The following LPAR1 variants were observed in gnomAD, a reference collection of about 807,000 sequenced individuals.
LPAR1 encodes LPA receptor 1.
LPAR1 carries 5 observed loss-of-function variants against 23.8 expected under a neutral mutation model. The ratio of observed to expected loss-of-function variants is 0.21; its 90% CI spans 0.11 to 0.44. LPAR1 has a LOEUF of 0.44. Among genes scored for constraint, LPAR1 ranks in the 20% least tolerant of loss-of-function variants. The pLI is 0.99. For synonymous variants in LPAR1, 160 were observed against 164.7 expected (o/e 0.97, Z 0.22); for missense variants, 311 against 482.8 (o/e 0.64, Z 3.33).
chr9:110,935,961 C>T (rs1038847144), intron 5 of LPAR1, among the ~76,000 whole-genome samples: 1 of 152,216 alleles, frequency 6.6e-6, no homozygotes, highest in African/African-American at 2.4e-5. Context: ...TGACTACTTT[C>T]AGTTCCTCAA....
At chr9:110,961,493 A>G (rs1004317760) in intron 4 of LPAR1, among the ~76,000 whole-genome samples, 3 of 151,674 alleles carry the variant, frequency 2.0e-5, no homozygotes, top group Admixed American at 2.0e-4. Context: ...AGTGGCACAC[A>G]CTTGTAGTCC....
chr9:110,941,938 A>G lies in LPAR1; in HGVS notation c.276T>C (p.Ala92=), dbSNP rs1475359772. The stretch of plus-strand genomic sequence containing the variant: ...CCAACCCAGCAAAGAAGTCTGCAGC[A>G]GCCAGATTAGCCATTAGGTAATAAA... The part of the protein sequence containing the change: ...FPIYYLMANL[A]AADFFAGLAY... Residue 92 remains alanine, a synonymous_variant, in exon 5 of 6, where the codon GCT becomes GCC. Transcript: ENST00000683809. The surrounding 1 kb of genome is among the most constrained non-coding windows in gnomAD (Gnocchi z 6.1). The G allele has an allele frequency of 5.6e-6, 9 of 1,614,232 alleles. No homozygotes were observed. In the East Asian group the frequency reaches 8.9e-5, roughly 16 times the overall value.
chr9:110,960,407 C>T (rs925398166), intron 4 of LPAR1, among the ~76,000 whole-genome samples: 3 of 152,136 alleles, frequency 2.0e-5, no homozygotes, highest in African/African-American at 7.2e-5. Context: ...CATTCACAAG[C>T]ACATGCAGAG....
At chr9:110,990,699 G>A (rs1197499359) in intron 2 of LPAR1, among the ~76,000 whole-genome samples, 1 of 151,326 alleles carries the variant, frequency 6.6e-6, no homozygotes, top group East Asian at 1.9e-4. Context: ...AACTAGAAAA[G>A]GATAATTTAA....
chr9:111,006,429 C>T (rs2140363729), intron 2 of LPAR1, among the ~76,000 whole-genome samples: 1 of 152,300 alleles, frequency 6.6e-6, no homozygotes, highest in South Asian at 2.1e-4. Flanking sequence ...TTGGCACATC[C>T]TTTAACTTAT....
rs148349786 is a variant in LPAR1, at chr9:110,931,245, G to A, written c.793+10176C>T. Among the ~76,000 whole-genome samples the A allele has an allele frequency of 2.7e-3, 404 of 152,190 alleles. 1 individual carries two copies. Among genetic ancestry groups the A allele is most frequent in the African/African-American group, 8.0e-3 (330 of 41,502 alleles). On this transcript the variant is annotated intron_variant, in intron 5 of 5. Transcript: ENST00000683809. ...TTGAAGTCTTTTCCAGACATTGCCC[G>A]GTGAAATACAGCATTCACATAGCAC... is the stretch of plus-strand genomic sequence containing the variant.
chr9:111,009,759 T>C (rs2097291788), intron 2 of LPAR1, among the ~76,000 whole-genome samples: 1 of 151,816 alleles, frequency 6.6e-6, no homozygotes, highest in South Asian at 2.1e-4. Context: ...CTGCTATTTC[T>C]AGTTTTTCAG....
Position 110,913,093 on chromosome 9 carries a change from A to G in LPAR1, c.793+28328T>C, listed in dbSNP as rs566016111. Among the ~76,000 whole-genome samples, 8 of 152,340 alleles carry G rather than the reference A, an allele frequency of 5.3e-5. No individual in the cohort carries two copies. In the East Asian group the frequency reaches 1.5e-3, roughly 29 times the overall value. Reference sequence around the variant, plus strand: ...TAAACTTGAAAGTAATTGACTTGTCAAGCTCCATTCAAACTGAAGTCTGTA... The same window carrying G: ...TAAACTTGAAAGTAATTGACTTGTCGAGCTCCATTCAAACTGAAGTCTGTA... On this transcript the variant is annotated intron_variant, in intron 5 of 5. Coordinates refer to ENST00000683809, the MANE Select transcript of LPAR1 (RefSeq NM_001351411.2).
intron 2 of LPAR1, among the ~76,000 whole-genome samples, chr9:110,981,007 T>C (rs893961726): frequency 2.0e-5 from 3 of 152,072 alleles, no homozygotes; most frequent in Non-Finnish European, 4.4e-5. Context: ...GCATAATACA[T>C]ATGCTGTAAG....
At position 110,995,782 on chromosome 9, in the gene LPAR1, T is replaced by A. The variant is rs577293313; in HGVS notation, c.-181-22224A>T. Among the ~76,000 whole-genome samples the A allele has an allele frequency of 3.6e-3, 549 of 152,326 alleles. 9 individuals carry two copies. Among genetic ancestry groups the A allele is most frequent in the East Asian group, 1.7e-3 (9 of 5,192 alleles). ...CAAAGGGAATTAAGTGACTTTTCTCTGTTCACAATGATTTAGTAACTATGA... is the reference window on the plus strand; with the variant it reads ...CAAAGGGAATTAAGTGACTTTTCTCAGTTCACAATGATTTAGTAACTATGA... On this transcript the variant is annotated intron_variant, in intron 2 of 5. Transcript: ENST00000683809.
chr9:110,972,016 T>G, intron 4 of LPAR1, 57 bp downstream of exon 4: 1 of 1,444,736 alleles, frequency 6.9e-7, no homozygotes, highest in Non-Finnish European at 9.7e-7. Context: ...GAAACCCAGT[T>G]TAAATATTTG....
At chr9:110,886,198 CA>C (rs71371693) in intron 5 of LPAR1, among the ~76,000 whole-genome samples, 90,466 of 128,322 alleles carry the variant, frequency 0.7, 31,846 homozygotes, top group African/African-American at 0.74. Flanking sequence ...AAATCCATCT[CA>C]AAAAAAAAAA....
chr9:111,018,825 G>A (rs562358414), intron 2 of LPAR1, among the ~76,000 whole-genome samples: 35 of 152,228 alleles, frequency 2.3e-4, no homozygotes, highest in African/African-American at 7.2e-4. Context: ...AAGTTGTTGA[G>A]TACAATACTT....
At chr9:111,018,242 C>T (rs984172981) in intron 2 of LPAR1, among the ~76,000 whole-genome samples, 1 of 152,176 alleles carries the variant, frequency 6.6e-6, no homozygotes, top group Non-Finnish European at 1.5e-5. Context: ...TTTCACATTT[C>T]ACTTATACTA....
chr9:111,032,097 G>C (rs138374582), intron 2 of LPAR1, among the ~76,000 whole-genome samples: 82 of 152,318 alleles, frequency 5.4e-4, no homozygotes, highest in African/African-American at 1.9e-3. Context: ...ATGGAAGAAA[G>C]AGTAATATAA....
chr9:110,965,575 C>A (rs187656525), intron 4 of LPAR1, among the ~76,000 whole-genome samples: 49 of 152,234 alleles, frequency 3.2e-4, no homozygotes, highest in African/African-American at 1.1e-3. Context: ...CAATGAGATA[C>A]CATCTCACAC....
At chr9:110,876,477 T>C (rs2079111835) in intron 5 of LPAR1, among the ~76,000 whole-genome samples, 1 of 152,190 alleles carries the variant, frequency 6.6e-6, no homozygotes, top group Non-Finnish European at 1.5e-5. Flanking sequence ...ATTTTCACAG[T>C]AGCCATATGA....
At chr9:110,910,835 G>A (rs145074003) in intron 5 of LPAR1, among the ~76,000 whole-genome samples, 134 of 152,330 alleles carry the variant, frequency 8.8e-4, no homozygotes, top group African/African-American at 3.1e-3. Context: ...GTCAGAAGTG[G>A]CACCTGAAGA....
chr9:111,031,546 A>G (rs1047018361), intron 2 of LPAR1, among the ~76,000 whole-genome samples: 9 of 152,082 alleles, frequency 5.9e-5, no homozygotes, highest in African/African-American at 1.7e-4. Context: ...AGGAGGTCAA[A>G]GCTGCCGTGA....
Sources: allele counts gnomAD v4.1 joint callset (sites outside exome capture counted in the v4.1 genomes callset), GRCh38; gene constraint gnomAD v4.1.1; non-coding constraint Gnocchi (gnomAD v3.1); transcripts MANE v1.5; gene names NCBI Gene and HGNC (gene_info 2026-07-23, HGNC 2026-07-21).